PDZD2: variants seen among roughly 807,000 people sequenced by gnomAD.
PDZD2 encodes the protein PDZ domain containing 2.
PDZD2 carries 90 observed loss-of-function variants against 220.7 expected under a neutral mutation model. The observed-to-expected ratio is 0.41, with a 90% CI of 0.34 to 0.49. PDZD2 has a LOEUF of 0.49. Among genes scored for constraint, PDZD2 ranks in the 20% least tolerant of loss-of-function variants. The probability of loss-of-function intolerance (pLI) is 0.28; values close to 1 mark genes in which losing one functional copy is unlikely to be tolerated. For synonymous variants in PDZD2, 1,375 were observed against 1,450.5 expected (o/e 0.95, Z 1.18); for missense variants, 3,174 against 3,608.5 (o/e 0.88, Z 3.08).
chr5:31,923,047 C>T (rs1744420234), intron 2 of PDZD2, among the ~76,000 whole-genome samples: 1 of 150,214 alleles, frequency 6.7e-6, no homozygotes, highest in Non-Finnish European at 1.5e-5. Flanking sequence ...AATCCCAGCA[C>T]TTTGGGAGGC....
chr5:31,794,442 C>T (rs1753902307), intron 1 of PDZD2, among the ~76,000 whole-genome samples: 1 of 144,352 alleles, frequency 6.9e-6, no homozygotes, highest in Non-Finnish European at 1.5e-5. Flanking sequence ...GCTCTGTCGC[C>T]CAGGCTGGAG....
intron 2 of PDZD2, among the ~76,000 whole-genome samples, chr5:31,803,984 A>G (rs1048889355): frequency 2.0e-5 from 3 of 151,706 alleles, no homozygotes; most frequent in Non-Finnish European, 4.4e-5. Context: ...TCGAGGCTGC[A>G]GTGAGCCATG....
chr5:31,983,183 G>A lies in PDZD2; in HGVS notation c.505G>A (p.Gly169Ser), dbSNP rs1750434212. The A allele has an allele frequency of 1.2e-6, 2 of 1,613,988 alleles. No individual in the cohort carries two copies. The highest frequency in any genetic ancestry group is 1.1e-5 in the South Asian group (1 of 91,052). ...SYLAEQCWNGGFIYLIMLRRF... is the reference protein window; with the variant it reads ...SYLAEQCWNGSFIYLIMLRRF... ...CCTGGCTGAGCAGTGCTGGAATGGC[G>A]GCTTTATCTACCTGATCATGCTGCG... Residue 169 changes from glycine (G) to serine (S), a missense_variant, in exon 3 of 25, where the codon GGC becomes AGC. Gly to Ser is a moderately conservative substitution (Grantham distance 56). This residue lies in a region of PDZD2 where 632 missense variants were observed against 708.1 expected (regional missense o/e 0.89). Coordinates refer to ENST00000438447, the MANE Select transcript of PDZD2 (RefSeq NM_178140.4).
At chr5:31,971,540 A>G (rs1242388532) in intron 2 of PDZD2, among the ~76,000 whole-genome samples, 1 of 152,232 alleles carries the variant, frequency 6.6e-6, no homozygotes, top group Non-Finnish European at 1.5e-5. Context: ...CACATCCCAT[A>G]TCCAATCAAA....
At chr5:31,666,504 T>C (rs943209159) in intron 1 of PDZD2, among the ~76,000 whole-genome samples, 2 of 152,286 alleles carry the variant, frequency 1.3e-5, no homozygotes, top group African/African-American at 4.8e-5. Flanking sequence ...TTGCTGATCC[T>C]GCATTTACAA....
chr5:31,705,427 T>G (rs533579334), intron 1 of PDZD2, among the ~76,000 whole-genome samples: 18 of 152,274 alleles, frequency 1.2e-4, no homozygotes, highest in African/African-American at 4.1e-4. Context: ...TAGAAAGAGA[T>G]AGAATTTGAG....
intron 6 of PDZD2, among the ~76,000 whole-genome samples, chr5:32,033,935 A>T (rs1755324737): frequency 1.3e-5 from 2 of 152,136 alleles, no homozygotes; most frequent in African/African-American, 4.8e-5. Flanking sequence ...TACCATCTTT[A>T]GCATAAGATT....
Position 31,773,726 on chromosome 5 carries a change from G to GA in PDZD2, c.-360-25156dup, listed in dbSNP as rs1338895261. Among the ~76,000 whole-genome samples the GA allele has an allele frequency of 4.6e-5, 7 of 152,014 alleles. No homozygotes were observed. In the East Asian group the frequency reaches 1.3e-3, roughly 29 times the overall value. ...ACAGAGAGAGGGAGACAGTCTAGTG[G>GA]AAAAAAAGCCTGAAATTCAGTATTA... On this transcript the variant is annotated intron_variant, in intron 1 of 24. Transcript: ENST00000438447.
chr5:31,852,019 G>A (rs1165299101), intron 2 of PDZD2, among the ~76,000 whole-genome samples: 2 of 151,966 alleles, frequency 1.3e-5, no homozygotes, highest in South Asian at 4.2e-4. Flanking sequence ...ACCACACCTG[G>A]CTAATTTTTA....
At chr5:31,923,926 G>C (rs546629566) in intron 2 of PDZD2, among the ~76,000 whole-genome samples, 1 of 151,998 alleles carries the variant, frequency 6.6e-6, no homozygotes, top group East Asian at 1.9e-4. Context: ...CGTGTCTCCT[G>C]CTTCTGACCC....
At chr5:31,987,268 A>T (rs1750793935) in intron 3 of PDZD2, among the ~76,000 whole-genome samples, 1 of 152,208 alleles carries the variant, frequency 6.6e-6, no homozygotes, top group African/African-American at 2.4e-5. Flanking sequence ...CATGACTGGC[A>T]TGGGTATGTC....
chr5:32,094,548 A>C (rs245154), intron 21 of PDZD2, among the ~76,000 whole-genome samples: 3 of 151,596 alleles, frequency 2.0e-5, no homozygotes, highest in Non-Finnish European at 4.4e-5. Flanking sequence ...GGTTGGAATA[A>C]AGGAGACCAG....
At chr5:31,890,540 A>G (rs1294826157) in intron 2 of PDZD2, among the ~76,000 whole-genome samples, 6 of 152,164 alleles carry the variant, frequency 3.9e-5, no homozygotes, top group African/African-American at 1.4e-4. Context: ...CCGGGCCTAG[A>G]GCCAGGGCCC....
intron 6 of PDZD2, among the ~76,000 whole-genome samples, chr5:32,028,202 T>C (rs1754825092): frequency 6.6e-6 from 1 of 152,242 alleles, no homozygotes; most frequent in South Asian, 2.1e-4. Context: ...CTGCAAGAGC[T>C]GGCTGAGAAA....
chr5:32,088,184 C>T lies in PDZD2; in HGVS notation c.4736C>T (p.Pro1579Leu). 6.2e-7 allele frequency: 1 copy of T among 1,614,094 alleles called. No individual in the cohort carries two copies. Among genetic ancestry groups the T allele is most frequent in the Non-Finnish European group, 8.5e-7 (1 of 1,179,956 alleles). Residue 1579 changes from proline (P) to leucine (L), a missense_variant, in exon 20 of 25, where the codon CCT (proline) becomes CTT (leucine). This residue lies in a region of PDZD2 where 1,861 missense variants were observed against 2,001.0 expected (regional missense o/e 0.93). Coordinates refer to ENST00000438447, the MANE Select transcript of PDZD2 (RefSeq NM_178140.4). The surrounding 1 kb of genome is among the most constrained non-coding windows in gnomAD (Gnocchi z 4.6). ...GCTTCTGCCAGGGACGGCTGGTCCC[C>T]TCCTCGTTCCCGTGTGTCTTTGCAC... ...PRASARDGWS[P>L]PRSRVSLHKE...
At chr5:32,042,035 G>A (rs1247067258) in intron 7 of PDZD2, among the ~76,000 whole-genome samples, 2 of 38,960 alleles carry the variant, frequency 5.1e-5, no homozygotes, top group African/African-American at 1.2e-4. Flanking sequence ...CTAACACGGT[G>A]AAACCCTCAG....
chr5:31,888,622 A>G (rs533030244), intron 2 of PDZD2, among the ~76,000 whole-genome samples: 1 of 152,308 alleles, frequency 6.6e-6, no homozygotes, highest in Admixed American at 6.5e-5. Context: ...GGCATGTGAA[A>G]TTATTTGAGG....
intron 1 of PDZD2, among the ~76,000 whole-genome samples, chr5:31,683,207 T>TAAAAAA (rs35467814): frequency 7.8e-5 from 10 of 128,998 alleles, no homozygotes; most frequent in South Asian, 2.7e-4. Context: ...ATCAGAATGT[T>TAAAAAA]AAAAAAAAAA....
rs1400801157 is a variant in PDZD2 at position 32,073,968 on chromosome 5, C to A, written c.2862C>A (p.Asn954Lys). 48 of 1,614,050 alleles carry A rather than the reference C, an allele frequency of 3.0e-5. No individual in the cohort carries two copies. The highest frequency in any genetic ancestry group is 3.6e-5 in the Non-Finnish European group (43 of 1,180,032). The change falls in exon 18 of 25, where the codon AAC becomes AAA. Residue 954 changes from asparagine to lysine, a missense_variant. By Grantham distance (94) the Asn-to-Lys change is moderately conservative. Coordinates refer to ENST00000438447, the MANE Select transcript of PDZD2 (RefSeq NM_178140.4). ...SLPGSPQALRNPLLRQRKVGC... is the reference protein window; with the variant it reads ...SLPGSPQALRKPLLRQRKVGC... ...CCGGAAGCCCACAGGCCCTCCGAAA[C>A]CCTCTCCTCCGCCAGAGGAAGGTAG...
Sources: gnomAD v4.1 joint callset for allele counts (sites outside exome capture counted in the v4.1 genomes callset) on GRCh38, gnomAD v4.1.1 for gene constraint, gnomAD v4.1.1 regional missense constraint, Gnocchi (gnomAD v3.1) non-coding constraint, MANE v1.5 for transcripts, NCBI Gene and HGNC (gene_info 2026-07-23, HGNC 2026-07-21) for gene names.